SCGN: variants seen among roughly 807,000 people sequenced by gnomAD.
SCGN encodes secretagogin.
SCGN carries 30 observed loss-of-function variants against 39.7 expected under a neutral mutation model. That is an observed-to-expected ratio of 0.76 (90% CI 0.57 to 1.03). The LOEUF is 1.03. SCGN is among the 50% of genes least tolerant of loss of function. The probability of loss-of-function intolerance (pLI) is 0.00; values close to 1 mark genes in which losing one functional copy is unlikely to be tolerated. For synonymous variants in SCGN, 106 were observed against 114.1 expected (o/e 0.93, Z 0.45); for missense variants, 353 against 349.4 (o/e 1.01, Z -0.08).
intron 7 of SCGN, among the ~76,000 whole-genome samples, chr6:25,686,437 T>C (rs1347545243): frequency 6.6e-6 from 1 of 152,222 alleles, no homozygotes; most frequent in African/African-American, 2.4e-5. Context: ...AAGTAGTATG[T>C]CATTGTGATT....
chr6:25,661,170 A>G (rs978008393), intron 2 of SCGN, among the ~76,000 whole-genome samples: 1 of 152,226 alleles, frequency 6.6e-6, no homozygotes, highest in African/African-American at 2.4e-5. Flanking sequence ...TGGACTTTTC[A>G]GTTAAAAAAT....
chr6:25,667,103 CA>C (rs1760436858), intron 4 of SCGN, among the ~76,000 whole-genome samples: 1 of 151,974 alleles, frequency 6.6e-6, no homozygotes, highest in South Asian at 2.1e-4. Context: ...GGAGATTATA[CA>C]TTTTTTCTTT....
chr6:25,686,450 C>T (rs1253317724), intron 7 of SCGN, among the ~76,000 whole-genome samples: 1 of 152,110 alleles, frequency 6.6e-6, no homozygotes, highest in African/African-American at 2.4e-5. Context: ...TTGTGATTTG[C>T]ATTTCGAACA....
chr6:25,689,409 T>C, intron 8 of SCGN, 64 bp from the exon 9 acceptor site: 1 of 1,500,852 alleles, frequency 6.7e-7, no homozygotes, highest in Non-Finnish European at 9.3e-7. Flanking sequence ...CCCAGGACTC[T>C]GGAAGAATTG....
At chr6:25,682,336 C>T (rs958152021) in intron 7 of SCGN, among the ~76,000 whole-genome samples, 2 of 152,162 alleles carry the variant, frequency 1.3e-5, no homozygotes, top group East Asian at 3.9e-4. Context: ...ATCCCATTTA[C>T]TGGCTCTGGG....
chr6:25,673,797 G>A (rs1283183587), intron 6 of SCGN, among the ~76,000 whole-genome samples: 1 of 152,146 alleles, frequency 6.6e-6, no homozygotes, highest in Non-Finnish European at 1.5e-5. Flanking sequence ...TTACTATAAA[G>A]AAATACCTGT....
intron 2 of SCGN, among the ~76,000 whole-genome samples, chr6:25,656,924 T>C (rs1357826329): frequency 1.3e-5 from 2 of 152,228 alleles, no homozygotes; most frequent in African/African-American, 4.8e-5. Context: ...TAAAGAATCA[T>C]TTATTCATCC....
chr6:25,678,386 T>A (rs959760658), intron 6 of SCGN, among the ~76,000 whole-genome samples: 12 of 152,214 alleles, frequency 7.9e-5, no homozygotes, highest in South Asian at 2.1e-4. Flanking sequence ...TTCTTTTTTT[T>A]AAATTCAATA....
intron 10 of SCGN, among the ~76,000 whole-genome samples, chr6:25,691,522 T>C (rs1759773153): frequency 6.6e-6 from 1 of 152,222 alleles, no homozygotes; most frequent in East Asian, 1.9e-4. Context: ...CTATTTTTTT[T>C]TTAACTAAGA....
chr6:25,657,681 G>A lies in SCGN; in HGVS notation c.154-3871G>A, dbSNP rs145013304. Among the ~76,000 whole-genome samples, 1,101 of 148,662 alleles carry A rather than the reference G, an allele frequency of 7.4e-3. 12 individuals carry two copies. The highest frequency in any genetic ancestry group is 0.021 in the African/African-American group (848 of 40,762). On this transcript the variant is annotated intron_variant, in intron 2 of 10. Coordinates refer to ENST00000377961, the MANE Select transcript of SCGN (RefSeq NM_006998.4). Reference sequence around the variant, plus strand: ...TATATATATATAATATATATATTACGTGTATATATATATGTGTATGTGTGT... The same window carrying A: ...TATATATATATAATATATATATTACATGTATATATATATGTGTATGTGTGT...
At chr6:25,665,133 G>A in intron 4 of SCGN, 101 bp downstream of exon 4, 1 of 874,526 alleles carries the variant, frequency 1.1e-6, no homozygotes, top group East Asian at 2.4e-5. Flanking sequence ...AGTGCTCAAG[G>A]GAGAGCTGAG....
At chr6:25,689,436 C>T (rs769588338) in intron 8 of SCGN, 37 bp from the exon 9 acceptor site, 14 of 1,577,566 alleles carry the variant, frequency 8.9e-6, no homozygotes, top group South Asian at 3.3e-5. Context: ...TGAATTGTCA[C>T]ATTGCTGGAC....
intron 10 of SCGN, among the ~76,000 whole-genome samples, chr6:25,695,235 G>A (rs1022625181): frequency 6.6e-6 from 1 of 152,098 alleles, no homozygotes; most frequent in African/African-American, 2.4e-5. Flanking sequence ...TCCAACAAAT[G>A]TATTGAGATA....
At chr6:25,669,709 A>T in intron 5 of SCGN, 142 bp downstream of exon 5, 2 of 682,562 alleles carry the variant, frequency 2.9e-6, no homozygotes, top group Non-Finnish European at 5.0e-6. Context: ...ACATATATGT[A>T]TATATTTTCA....
chr6:25,684,885 A>G (rs760493240), intron 7 of SCGN, among the ~76,000 whole-genome samples: 1 of 152,256 alleles, frequency 6.6e-6, no homozygotes, highest in Non-Finnish European at 1.5e-5. Flanking sequence ...CATGGCAAGA[A>G]TGAATTAAAG....
At chr6:25,690,702 T>G (rs1182462268) in intron 9 of SCGN, among the ~76,000 whole-genome samples, 1 of 152,170 alleles carries the variant, frequency 6.6e-6, no homozygotes, top group Non-Finnish European at 1.5e-5. Flanking sequence ...AATAAAAAAT[T>G]TCAATCTATA....
intron 9 of SCGN, 129 bp downstream of exon 9, chr6:25,689,661 A>G (rs1759751720): frequency 6.8e-6 from 5 of 736,292 alleles, no homozygotes; most frequent in Non-Finnish European, 1.2e-5. Flanking sequence ...TGTGTGTTCT[A>G]GGTCAAGGTA....
chr6:25,688,477 G>A (rs946948405), intron 7 of SCGN, among the ~76,000 whole-genome samples: 5 of 152,276 alleles, frequency 3.3e-5, no homozygotes, highest in Admixed American at 6.5e-5. Flanking sequence ...CAAGTTAAAT[G>A]CTACGACAGT....
intron 6 of SCGN, among the ~76,000 whole-genome samples, chr6:25,672,241 T>G (rs765242949): frequency 1.3e-5 from 2 of 152,224 alleles, no homozygotes; most frequent in Non-Finnish European, 2.9e-5. Context: ...AAATATTCAT[T>G]ACATATCTAC....
Sources: allele counts gnomAD v4.1 joint callset (sites outside exome capture counted in the v4.1 genomes callset), GRCh38; gene constraint gnomAD v4.1.1; transcripts MANE v1.5; gene names NCBI Gene and HGNC (gene_info 2026-07-23, HGNC 2026-07-21).